The following ASPHD1 variants were observed in gnomAD, a reference collection of about 807,000 sequenced individuals.
ASPHD1 encodes the protein aspartate beta-hydroxylase domain-containing protein 1.
A neutral mutation model predicts 28.3 loss-of-function variants in ASPHD1; 20 were observed. That is an observed-to-expected ratio of 0.71 (90% CI 0.50 to 1.03). The LOEUF is 1.03. Among genes scored for constraint, ASPHD1 ranks in the 50% least tolerant of loss-of-function variants. The pLI, the probability that ASPHD1 is intolerant of heterozygous loss-of-function variation, is 0.00. For synonymous variants in ASPHD1, 240 were observed against 221.2 expected, an observed-to-expected ratio of 1.08 and a Z score of -0.75; for missense variants, 479 against 524.1, an observed-to-expected ratio of 0.91 and a Z score of 0.84.
chr16:29,905,989 GT>G lies in ASPHD1; in HGVS notation c.*93del. On this transcript the variant is annotated 3_prime_UTR_variant, in exon 3 of 3. Transcript: ENST00000308748. ...CCAGGACCTCCTCTCTACTGCGGGG[GT>G]GGGCGGGGGCGGAGGATGGGAACTG... 3 of 765,272 alleles carry G rather than the reference GT, an allele frequency of 3.9e-6. No homozygotes were observed. Among genetic ancestry groups the G allele is most frequent in the Non-Finnish European group, 4.2e-6 (2 of 479,090 alleles). 47.4% of individuals were successfully genotyped at this position (765,272 alleles called of 1,614,324 possible).
At position 29,901,981 on chromosome 16, in the gene ASPHD1, C is replaced by T. The variant is rs1033123726; in HGVS notation, c.949+61C>T. On this transcript the variant is annotated intron_variant, in intron 1 of 2. Coordinates refer to ENST00000308748, the MANE Select transcript of ASPHD1 (RefSeq NM_181718.4). The surrounding 1 kb of genome is among the most constrained non-coding windows in gnomAD (Gnocchi z 5.1). Reference sequence around the variant, plus strand: ...TCGATGATTTCCCCCCCAGACCCTTCTCTCCGCCAGAGCCGTCTGCTGTCT... The same window carrying T: ...TCGATGATTTCCCCCCCAGACCCTTTTCTCCGCCAGAGCCGTCTGCTGTCT... 9.9e-6 allele frequency: 13 copies of T among 1,317,790 alleles called. No homozygotes were observed. In the African/African-American group the frequency reaches 1.8e-4, roughly 19 times the overall value. The allele number at this position is 1,317,790 out of a possible 1,614,324, so 81.6% of individuals were successfully genotyped here. A position where few individuals can be genotyped will look rare whatever the true frequency, so the allele number is the denominator to read the frequency against.
chr16:29,915,807 C>T (rs534791029), intron 3 of ASPHD1, among the ~76,000 whole-genome samples: 1 of 152,254 alleles, frequency 6.6e-6, no homozygotes, highest in South Asian at 2.1e-4. Context: ...TTTTTCATCA[C>T]ATCCTCAGCT....
chr16:29,902,397 C>T (rs180742848), intron 1 of ASPHD1, among the ~76,000 whole-genome samples: 1 of 152,218 alleles, frequency 6.6e-6, no homozygotes, highest in African/African-American at 2.4e-5. Context: ...CTACTGCACT[C>T]CAGCCTGGGT....
downstream of ASPHD1, chr16:29,906,071 C>T (rs1158305751): frequency 1.2e-5 from 6 of 508,764 alleles, no homozygotes; most frequent in Non-Finnish European, 2.1e-5. Context: ...CGACTACTTC[C>T]TTCGCAGGGA....
At chr16:29,911,883 G>A (rs766336868) in intron 3 of ASPHD1, 5 of 1,611,960 alleles carry the variant, frequency 3.1e-6, no homozygotes, top group South Asian at 2.2e-5. Flanking sequence ...GGGGGAGAGA[G>A]GATGGACGAG....
intron 1 of ASPHD1, among the ~76,000 whole-genome samples, chr16:29,902,421 T>C (rs1419872009): frequency 1.3e-5 from 2 of 152,200 alleles, no homozygotes; most frequent in Non-Finnish European, 2.9e-5. Context: ...AAGAAAGTAC[T>C]CATAAACACA....
chr16:29,910,392 A>G (rs2068686245), downstream of ASPHD1, among the ~76,000 whole-genome samples: 2 of 151,252 alleles, frequency 1.3e-5, no homozygotes, highest in South Asian at 2.1e-4. Flanking sequence ...ACGAGACTCC[A>G]TCTCAAATAA....
At chr16:29,918,720 G>A (rs748750437) in intron 3 of ASPHD1, among the ~76,000 whole-genome samples, 7 of 151,818 alleles carry the variant, frequency 4.6e-5, no homozygotes, top group Admixed American at 2.0e-4. Flanking sequence ...GCAGTGGCAC[G>A]ATCTCGGCTC....
intron 1 of ASPHD1, among the ~76,000 whole-genome samples, chr16:29,904,124 A>AGGAATAAAAT (rs1182861057): frequency 8.4e-6 from 1 of 118,988 alleles, no homozygotes; most frequent in African/African-American, 2.8e-5. Flanking sequence ...CTGTCTGTAT[A>AGGAATAAAAT]AGAATAAAAT....
rs773578994 is a variant in ASPHD1 at position 29,900,603 on chromosome 16, G to C, written c.-369G>C. On this transcript the variant is annotated 5_prime_UTR_variant, in exon 1 of 3. Coordinates refer to ENST00000308748, the MANE Select transcript of ASPHD1 (RefSeq NM_181718.4). ...CCCAGGAAGGAGCGAGTAGGAGAGA[G>C]GGAGCGAGAGCCAGGCAGGACCGCA... The C allele has an allele frequency of 6.6e-6, 2 of 304,778 alleles. No homozygotes were observed. The highest frequency in any genetic ancestry group is 1.2e-5 in the Non-Finnish European group (2 of 163,014). 18.9% of individuals were successfully genotyped at this position (304,778 alleles called of 1,614,324 possible). A position where few individuals can be genotyped will look rare whatever the true frequency, so the allele number is the denominator to read the frequency against.
In ASPHD1 at chr16:29,911,872, C is replaced by T. The variant is rs184536409; in HGVS notation, c.*62+5913C>T. 8.4e-5 allele frequency: 135 copies of T among 1,611,906 alleles called. No homozygotes were observed. The African/African-American group carries it at 1.4e-3, about 17-fold the overall frequency. On this transcript the variant is annotated intron_variant and NMD_transcript_variant, in intron 3 of 3. Transcript: ENST00000414952. The stretch of plus-strand genomic sequence containing the variant: ...GTGCAGGAGCTTCACCACGGGCTGG[C>T]GGGGGAGAGAGGATGGACGAGAGGG...
At chr16:29,906,460 AG>A, downstream of ASPHD1, 1 of 460,564 alleles carries the variant, frequency 2.2e-6, no homozygotes, top group South Asian at 1.6e-5. Flanking sequence ...TTAAGGAGGT[AG>A]GGAGGATGGT....
intron 3 of ASPHD1, chr16:29,912,283 C>G: frequency 1.7e-6 from 1 of 571,820 alleles, no homozygotes; most frequent in Non-Finnish European, 3.0e-6. Context: ...CGGCCACTGG[C>G]TGTGCCCCTG....
chr16:29,917,622 T>C (rs2068833300), intron 3 of ASPHD1, among the ~76,000 whole-genome samples: 1 of 151,866 alleles, frequency 6.6e-6, no homozygotes, highest in Non-Finnish European at 1.5e-5. Context: ...TCTGCTAAAA[T>C]ACAAAAATTA....
At chr16:29,913,612 T>C (rs2068756013) in intron 3 of ASPHD1, 2 of 152,182 alleles carry the variant, frequency 1.3e-5, no homozygotes, top group Non-Finnish European at 2.9e-5. Flanking sequence ...GTGGCCAAGA[T>C]GTCAGTGGGG....
chr16:29,905,864 G>C lies in ASPHD1; in HGVS notation c.1140G>C (p.Gln380His). ...CCAACGTGGCAGGGGCTGAGCGCCA[G>C]GCCCTCGACTTTGTCTTCGCCCCAG... ...WHPNVAGAERQALDFVFAPDP is the reference protein window; with the variant it reads ...WHPNVAGAERHALDFVFAPDP Residue 380 changes from glutamine to histidine, a missense_variant, in exon 3 of 3, where the codon CAG becomes CAC. By Grantham distance (24) the Gln-to-His change is conservative (BLOSUM62 0). Coordinates refer to ENST00000308748, the MANE Select transcript of ASPHD1 (RefSeq NM_181718.4). The C allele has an allele frequency of 6.2e-7, 1 of 1,613,746 alleles. No homozygotes were observed. Among genetic ancestry groups the C allele is most frequent in the Non-Finnish European group, 8.5e-7 (1 of 1,179,850 alleles).
rs184536409 is a variant in ASPHD1 at position 29,911,872 on chromosome 16, C to G, written c.*62+5913C>G. ...GTGCAGGAGCTTCACCACGGGCTGG[C>G]GGGGGAGAGAGGATGGACGAGAGGG... On this transcript the variant is annotated intron_variant and NMD_transcript_variant, in intron 3 of 3. Coordinates refer to the ASPHD1 transcript ENST00000414952. 2.3e-5 allele frequency: 37 copies of G among 1,611,906 alleles called. No homozygotes were observed. The African/African-American group carries it at 4.8e-4, about 21-fold the overall frequency.
At position 29,905,809 on chromosome 16, in the gene ASPHD1, G is replaced by C. The variant is rs370030676; in HGVS notation, c.1085G>C (p.Arg362Pro). ...AHNGSPEDGP[R>P]VVFIVDLWHP... ...CTAGGCTCCCCCGAAGATGGGCCTC[G>C]AGTGGTCTTCATCGTGGACCTCTGG... The change falls in exon 3 of 3, where the codon CGA becomes CCA. Residue 362 changes from arginine to proline, a missense_variant. Physicochemically the swap from Arg to Pro is moderately radical, Grantham distance 103. Coordinates refer to ENST00000308748, the MANE Select transcript of ASPHD1 (RefSeq NM_181718.4). 3 of 1,613,784 alleles carry C rather than the reference G, an allele frequency of 1.9e-6. No homozygotes were observed. The highest frequency in any genetic ancestry group is 1.7e-6 in the Non-Finnish European group (2 of 1,179,894).
At chr16:29,902,090 A>G (rs1282035146) in intron 1 of ASPHD1, among the ~76,000 whole-genome samples, 170 bp downstream of exon 1, 2 of 151,848 alleles carry the variant, frequency 1.3e-5, no homozygotes, top group African/African-American at 4.8e-5. Flanking sequence ...TCTGCACACC[A>G]CCTTCATAAG....
Sources: gnomAD v4.1 joint callset for allele counts (sites outside exome capture counted in the v4.1 genomes callset) on GRCh38, gnomAD v4.1.1 for gene constraint, Gnocchi (gnomAD v3.1) non-coding constraint, MANE v1.5 for transcripts, NCBI Gene and HGNC (gene_info 2026-07-23, HGNC 2026-07-21) for gene names.